HARS1: variants seen among roughly 807,000 people sequenced by gnomAD.
HARS1 encodes histidyl-tRNA synthetase 1, also known as histidine--tRNA ligase, cytoplasmic.
Under a neutral mutation model 63.6 loss-of-function variants are expected in HARS1, and 45 were observed. The ratio of observed to expected loss-of-function variants is 0.71; its 90% confidence interval spans 0.56 to 0.91. The LOEUF (loss-of-function observed/expected upper bound fraction) is 0.91, where lower values mean the gene tolerates loss of function less well. Among genes scored for constraint, HARS1 ranks in the 40% least tolerant of loss-of-function variants. The pLI, the probability that HARS1 is intolerant of heterozygous loss-of-function variation, is 0.00. For synonymous variants in HARS1, 205 were observed against 247.1 expected (o/e 0.83, Z 1.60); for missense variants, 508 against 643.2 (o/e 0.79, Z 2.27).
intron 5 of HARS1, 61 bp from the exon 6 acceptor site, chr5:140,678,076 GGGAGCTCTGTCCTCTA>G: frequency 1.1e-6 from 1 of 871,592 alleles, no homozygotes; most frequent in Non-Finnish European, 2.0e-6. Flanking sequence ...GGGGGACTCT[GGGAGCTCTGTCCTCTA>G]GGAAGGCCTG....
At chr5:140,677,299 G>A in intron 8 of HARS1, 28 bp downstream of exon 8, 1 of 1,546,482 alleles carries the variant, frequency 6.5e-7, no homozygotes, top group Non-Finnish European at 8.9e-7. Context: ...TGGGACGGCT[G>A]CTGGGGAGGC....
Position 140,689,410 on chromosome 5 carries a change from GCTATA to G in HARS1, c.180+1440_180+1444del, listed in dbSNP as rs201253106. ...CAATGTAAAGGCTATGTAAATAGTTGCTATACTATATTTTTTATTTGAAATTTTTA... is the reference window on the plus strand; with the variant it reads ...CAATGTAAAGGCTATGTAAATAGTTGCTATATTTTTTATTTGAAATTTTTA... On this transcript the variant is annotated intron_variant, in intron 2 of 12. Transcript: ENST00000504156. Among the ~76,000 whole-genome samples the G allele has an allele frequency of 8.5e-3, 1,290 of 152,110 alleles. 17 individuals carry two copies. Among genetic ancestry groups the G allele is most frequent in the African/African-American group, 0.029 (1,209 of 41,504 alleles).
intron 2 of HARS1, among the ~76,000 whole-genome samples, chr5:140,688,256 T>A (rs1483705039): frequency 1.3e-5 from 2 of 152,240 alleles, no homozygotes; most frequent in African/African-American, 4.8e-5. Flanking sequence ...CTCTCTAGCA[T>A]AATCTTAACA....
In HARS1 at chr5:140,691,213, AC is replaced by A; in HGVS notation, c.90+1del. On this transcript the variant is annotated splice_donor_variant, in intron 1 of 12. Transcript: ENST00000504156. LOFTEE classifies it high-confidence loss of function. ...CCCTCTCCCCTGCTGCCTAAATCTC[AC>A]CAGCTCGGCGCTGGCCTTCTGCTGC... is the stretch of plus-strand genomic sequence containing the variant. 6.3e-7 allele frequency: 1 copy of A among 1,595,552 alleles called. No individual in the cohort carries two copies. Among genetic ancestry groups the A allele is most frequent in the Non-Finnish European group, 8.5e-7 (1 of 1,171,992 alleles).
At chr5:140,681,347 T>C (rs1284416074) in intron 3 of HARS1, among the ~76,000 whole-genome samples, 1 of 152,002 alleles carries the variant, frequency 6.6e-6, no homozygotes, top group East Asian at 1.9e-4. Context: ...AAAATTTAGA[T>C]AGGGACAGAG....
At chr5:140,674,983 A>C (rs1758275780) in intron 11 of HARS1, 34 bp downstream of exon 11, 1 of 1,498,236 alleles carries the variant, frequency 6.7e-7, no homozygotes, top group East Asian at 2.3e-5. Context: ...AGCACACCTA[A>C]GTTTGCTGCC....
chr5:140,679,825 T>C lies in HARS1; in HGVS notation c.359A>G (p.Gln120Arg), dbSNP rs1480099636. The C allele has an allele frequency of 6.2e-7, 1 of 1,610,362 alleles. No homozygotes were observed. The highest frequency in any genetic ancestry group is 8.5e-7 in the Non-Finnish European group (1 of 1,176,650). ...DSKLIYDLKD[Q>R]GGELLSLRYD... ...GCGAAGGGACAGGAGCTCCCCGCCCTGGTCCTTCAGGTCATAGATAAGCTT... is the reference window on the plus strand; with the variant it reads ...GCGAAGGGACAGGAGCTCCCCGCCCCGGTCCTTCAGGTCATAGATAAGCTT... Residue 120 changes from glutamine to arginine, a missense_variant, in exon 4 of 13, where the codon CAG (glutamine) becomes CGG (arginine). Gln to Arg is a conservative substitution (Grantham distance 43). Around this residue, in one of 2 missense-constraint regions of HARS1, gnomAD observed 403 missense variants for 548.7 expected, o/e 0.73. Coordinates refer to ENST00000504156, the MANE Select transcript of HARS1 (RefSeq NM_002109.6). The surrounding 1 kb of genome is among the most constrained non-coding windows in gnomAD (Gnocchi z 4.3).
At chr5:140,681,293 G>T (rs1315040110) in intron 3 of HARS1, among the ~76,000 whole-genome samples, 1 of 152,130 alleles carries the variant, frequency 6.6e-6, no homozygotes, top group Non-Finnish European at 1.5e-5. Context: ...CTAACATGAG[G>T]TCTCCAAGTT....
At chr5:140,677,208 T>C in intron 8 of HARS1, 92 bp from the exon 9 acceptor site, 4 of 1,456,530 alleles carry the variant, frequency 2.7e-6, no homozygotes, top group Non-Finnish European at 2.9e-6. Context: ...CGCCCATGCA[T>C]GTGTGTGTAC....
intron 3 of HARS1, among the ~76,000 whole-genome samples, chr5:140,682,095 C>T (rs1269296112): frequency 6.6e-6 from 1 of 151,946 alleles, no homozygotes; most frequent in Non-Finnish European, 1.5e-5. Context: ...TAAAATCTGG[C>T]TGGCTGGACG....
At chr5:140,683,292 A>G in intron 2 of HARS1, 73 bp from the exon 3 acceptor site, 3 of 1,487,392 alleles carry the variant, frequency 2.0e-6, no homozygotes, top group Non-Finnish European at 2.8e-6. Context: ...TGGAAATATA[A>G]AAGGATGACC....
chr5:140,687,555 C>T (rs1040172059), intron 2 of HARS1: 1 of 151,284 alleles, frequency 6.6e-6, no homozygotes, highest in Non-Finnish European at 1.5e-5. Flanking sequence ...CCAAAGAAAC[C>T]CCAAAACAAA....
intron 2 of HARS1, 108 bp downstream of exon 2, chr5:140,690,747 G>T: frequency 1.3e-6 from 1 of 754,300 alleles, no homozygotes; most frequent in Non-Finnish European, 2.4e-6. Flanking sequence ...CCTCTCCTCT[G>T]CAGCATTTCA....
At position 140,678,164 on chromosome 5, in the gene HARS1, G is replaced by A. The variant is rs371590784; in HGVS notation, c.523-149C>T. ...GATCATCAGCCCAGAGGTAAACCCCGGCATCTTTGGGCTTCTCACCAGTTT... is the reference window on the plus strand; with the variant it reads ...GATCATCAGCCCAGAGGTAAACCCCAGCATCTTTGGGCTTCTCACCAGTTT... On this transcript the variant is annotated intron_variant, in intron 5 of 12. Transcript: ENST00000504156. The A allele has an allele frequency of 2.0e-5, 12 of 605,112 alleles. No homozygotes were observed. The Admixed American group carries it at 2.0e-4, about 10-fold the overall frequency. 37.5% of individuals were successfully genotyped at this position (605,112 alleles called of 1,614,324 possible). A position where few individuals can be genotyped will look rare whatever the true frequency, so the allele number is the denominator to read the frequency against.
intron 7 of HARS1, 42 bp from the exon 8 acceptor site, chr5:140,677,462 C>T (rs375904702): frequency 3.0e-5 from 43 of 1,452,002 alleles, no homozygotes; most frequent in African/African-American, 1.1e-4. Flanking sequence ...GGGCAGCTTC[C>T]GCACCACAGA....
intron 5 of HARS1, 167 bp downstream of exon 5, chr5:140,678,835 C>T: frequency 1.5e-6 from 1 of 650,098 alleles, no homozygotes; most frequent in Non-Finnish European, 2.5e-6. Context: ...CAGAGCGAGA[C>T]TCCGTCTCAA....
intron 2 of HARS1, among the ~76,000 whole-genome samples, chr5:140,688,084 A>C (rs1026031167): frequency 2.7e-4 from 41 of 152,128 alleles, no homozygotes; most frequent in African/African-American, 9.4e-4. Context: ...AGCCTGGGCG[A>C]CAGAGCAAGA....
chr5:140,674,267 C>T lies in HARS1; in HGVS notation c.1520G>A (p.Cys507Tyr), dbSNP rs1758215307. 3 of 1,606,340 alleles carry T rather than the reference C, an allele frequency of 1.9e-6. No individual in the cohort carries two copies. The highest frequency in any genetic ancestry group is 1.7e-6 in the Non-Finnish European group (2 of 1,172,804). The change falls in exon 13 of 13, where the codon TGC becomes TAC. Residue 507 changes from cysteine to tyrosine, a missense_variant. Cys to Tyr is a radical substitution (Grantham distance 194, BLOSUM62 -2). Coordinates refer to ENST00000504156, the MANE Select transcript of HARS1 (RefSeq NM_002109.6). ...GATAGTTTGTTCAGTTCAGCAGATG[C>T]AGAGGGGCTGGCCTGTTCTCCTTTT... ...EIKRRTGQPL[C>Y]IC is the part of the protein sequence containing the mutation.
At chr5:140,690,459 C>CA (rs60916571) in intron 2 of HARS1, among the ~76,000 whole-genome samples, 65,046 of 151,468 alleles carry the variant, frequency 0.43, 14,183 homozygotes, top group East Asian at 0.46. Flanking sequence ...AAAAAAAAAA[C>CA]AAAAAAATCT....
Sources: gnomAD v4.1 joint callset for allele counts (sites outside exome capture counted in the v4.1 genomes callset) on GRCh38, gnomAD v4.1.1 for gene constraint, gnomAD v4.1.1 regional missense constraint, Gnocchi (gnomAD v3.1) non-coding constraint, MANE v1.5 for transcripts, NCBI Gene and HGNC (gene_info 2026-07-23, HGNC 2026-07-21) for gene names.